SLC16A12: variants seen among roughly 807,000 people sequenced by gnomAD.
SLC16A12 encodes the protein solute carrier family 16 member 12.
In SLC16A12, 17 loss-of-function variants were observed where a neutral mutation model predicts 42.4. The ratio of observed to expected loss-of-function variants is 0.40; its 90% CI spans 0.27 to 0.60. The LOEUF is 0.60. Among genes scored for constraint, SLC16A12 ranks in the 20% least tolerant of loss-of-function variants. SLC16A12 has a pLI of 0.42. For missense variants in SLC16A12, 544 were observed against 623.0 expected, an observed-to-expected ratio of 0.87 and a Z score of 1.35; for synonymous variants, 224 against 229.4, an observed-to-expected ratio of 0.98 and a Z score of 0.21.
chr10:89,533,764 C>A (rs905639873), intron 2 of SLC16A12, among the ~76,000 whole-genome samples: 4 of 151,290 alleles, frequency 2.6e-5, no homozygotes, highest in Admixed American at 1.3e-4. Flanking sequence ...AGGTTTGCAC[C>A]TTTAAAAATT....
At chr10:89,466,840 T>A (rs1258204593) in intron 2 of SLC16A12, among the ~76,000 whole-genome samples, 1 of 152,176 alleles carries the variant, frequency 6.6e-6, no homozygotes, top group Non-Finnish European at 1.5e-5. Context: ...CCTGGGGCAG[T>A]AAGATTTTCA....
At chr10:89,491,542 GGGAAAGAAAAAACATTAAGCT>G (rs1309868753) in intron 2 of SLC16A12, among the ~76,000 whole-genome samples, 1 of 149,014 alleles carries the variant, frequency 6.7e-6, no homozygotes, top group Non-Finnish European at 1.5e-5. Context: ...CCAGAAAGCT[GGGAAAGAAAAAACATTAAGCT>G]GGAAAGAGGA....
chr10:89,535,201 C>T, intron 1 of SLC16A12, among the ~76,000 whole-genome samples: 1 of 151,984 alleles, frequency 6.6e-6, no homozygotes. Context: ...CGCTCGTTCT[C>T]CAGCCACCTG....
intron 2 of SLC16A12, among the ~76,000 whole-genome samples, chr10:89,529,713 A>G (rs761342445): frequency 2.0e-5 from 3 of 151,994 alleles, no homozygotes; most frequent in Non-Finnish European, 2.9e-5. Flanking sequence ...ACGCCCAGCT[A>G]ATTTTTGTAT....
intron 2 of SLC16A12, among the ~76,000 whole-genome samples, chr10:89,529,911 T>G (rs1019801007): frequency 3.3e-5 from 5 of 152,136 alleles, no homozygotes; most frequent in African/African-American, 1.2e-4. Context: ...GGAATTTCTC[T>G]CTAGATACAG....
At chr10:89,468,591 C>T (rs759893205) in intron 2 of SLC16A12, among the ~76,000 whole-genome samples, 2 of 152,132 alleles carry the variant, frequency 1.3e-5, no homozygotes, top group Admixed American at 6.6e-5. Flanking sequence ...GGGGAGAAGC[C>T]GACAAGGTTA....
chr10:89,502,944 CAT>C (rs1843009121), intron 2 of SLC16A12, among the ~76,000 whole-genome samples: 1 of 152,208 alleles, frequency 6.6e-6, no homozygotes, highest in African/African-American at 2.4e-5. Flanking sequence ...TTGTAGGAAA[CAT>C]GTGCGCTATC....
intron 2 of SLC16A12, among the ~76,000 whole-genome samples, chr10:89,463,252 G>A (rs542307102): frequency 1.9e-4 from 29 of 152,160 alleles, no homozygotes; most frequent in African/African-American, 6.5e-4. Context: ...ATTATTATAC[G>A]GAATGAGTCT....
intron 2 of SLC16A12, among the ~76,000 whole-genome samples, chr10:89,516,023 G>A (rs1368334237): frequency 6.6e-6 from 1 of 152,112 alleles, no homozygotes; most frequent in African/African-American, 2.4e-5. Context: ...TAAATCTTAT[G>A]TATGCAGAAT....
At chr10:89,472,571 T>C (rs1161396369) in intron 2 of SLC16A12, among the ~76,000 whole-genome samples, 1 of 140,322 alleles carries the variant, frequency 7.1e-6, no homozygotes, top group African/African-American at 2.6e-5. Context: ...CGGCTCACTA[T>C]AACCTCCACC....
chr10:89,483,456 T>C (rs558465772), intron 2 of SLC16A12, among the ~76,000 whole-genome samples: 165 of 152,304 alleles, frequency 1.1e-3, no homozygotes, highest in Non-Finnish European at 4.1e-4. Context: ...AGAAAGATGA[T>C]GATTTTTGAG....
At chr10:89,536,410 CCTCA>C (rs1843662952), upstream of SLC16A12, among the ~76,000 whole-genome samples, 1 of 152,042 alleles carries the variant, frequency 6.6e-6, no homozygotes, top group Non-Finnish European at 1.5e-5. Flanking sequence ...ACTCTCTGAG[CCTCA>C]CTTTTGCTTG....
At chr10:89,470,702 G>A (rs572038472) in intron 2 of SLC16A12, among the ~76,000 whole-genome samples, 36 of 152,350 alleles carry the variant, frequency 2.4e-4, no homozygotes, top group African/African-American at 7.9e-4. Flanking sequence ...TGGCCATATG[G>A]AGAATACAAA....
rs563159633 is a variant in SLC16A12 at position 89,552,125 on chromosome 10, A to C, written c.-47+3757T>G. On this transcript the variant is annotated intron_variant, in intron 2 of 2. Coordinates refer to the SLC16A12 transcript ENST00000475682. ...TAATTTTTGTATTTTTAGTAGAGAC[A>C]GGGTTTCACCATATTGGCCGGGCTG... Among the ~76,000 whole-genome samples the C allele has an allele frequency of 5.3e-5, 8 of 152,126 alleles. No homozygotes were observed. The South Asian group carries it at 1.7e-3, about 32-fold the overall frequency.
At chr10:89,509,113 A>G (rs1304732388) in intron 2 of SLC16A12, among the ~76,000 whole-genome samples, 1 of 152,176 alleles carries the variant, frequency 6.6e-6, no homozygotes, top group Non-Finnish European at 1.5e-5. Context: ...ATAGCCTACC[A>G]ACCAAAAAAA....
rs1841860765 is a variant in SLC16A12 at position 89,439,165 on chromosome 10, C to T, written c.467G>A (p.Cys156Tyr). 6.2e-7 allele frequency: 1 copy of T among 1,614,140 alleles called. No individual in the cohort carries two copies. The highest frequency in any genetic ancestry group is 8.5e-7 in the Non-Finnish European group (1 of 1,180,022). The change falls in exon 6 of 8, where the codon TGT becomes TAT. Residue 156 changes from cysteine (C) to tyrosine (Y), a missense_variant. By Grantham distance (194) the Cys-to-Tyr change is radical (BLOSUM62 -2). Coordinates refer to ENST00000371790, the MANE Select transcript of SLC16A12 (RefSeq NM_213606.4). ...GVLTGLGFAL[C>Y]YSPAIAMVGK... is the part of the protein sequence containing the mutation. ...AACCATGGCAATAGCTGGAGAGTAA[C>T]AAAGTGCAAATCCAAGACCTGAGGA...
chr10:89,496,106 CAATT>C lies in SLC16A12; in HGVS notation c.-46-33486_-46-33483del, dbSNP rs369605479. Among the ~76,000 whole-genome samples the C allele has an allele frequency of 9.9e-5, 15 of 151,822 alleles. No individual in the cohort carries two copies. The East Asian group carries it at 2.3e-3, about 23-fold the overall frequency. On this transcript the variant is annotated intron_variant, in intron 2 of 7. Coordinates refer to ENST00000371790, the MANE Select transcript of SLC16A12 (RefSeq NM_213606.4). ...TTAACATAACTAATAATTATTATAA[CAATT>C]AACATAAGAAGTGGGATGGGGGCTT...
intron 2 of SLC16A12, among the ~76,000 whole-genome samples, chr10:89,519,603 T>TG (rs1318122628): frequency 6.6e-6 from 1 of 151,922 alleles, no homozygotes; most frequent in East Asian, 1.9e-4. Context: ...CGAGGATGAA[T>TG]TCAGATGCAC....
At chr10:89,543,466 T>C (rs1328820595) in intron 2 of SLC16A12, among the ~76,000 whole-genome samples, 2 of 152,158 alleles carry the variant, frequency 1.3e-5, no homozygotes, top group Non-Finnish European at 2.9e-5. Flanking sequence ...ATTTTCCTCA[T>C]TTATAAAATG....
Sources: gnomAD v4.1 joint callset for allele counts (sites outside exome capture counted in the v4.1 genomes callset) on GRCh38, gnomAD v4.1.1 for gene constraint, MANE v1.5 for transcripts, NCBI Gene and HGNC (gene_info 2026-07-23, HGNC 2026-07-21) for gene names.